Variants in CEP15 observed in about 807,000 individuals in gnomAD.
CEP15 encodes centrosomal protein 15.
chr3:62,321,791 G>A, the CEP15 span: 2 of 602,418 alleles, frequency 3.3e-6, no homozygotes, highest in Non-Finnish European at 5.6e-6. The surrounding 1 kb of genome is among the most constrained non-coding windows in gnomAD (Gnocchi z 4.1). Flanking sequence ...TGTCTTATTA[G>A]TCGACATAGT....
chr3:62,322,003 C>T, the CEP15 span: 7 of 1,610,694 alleles, frequency 4.3e-6, no homozygotes, highest in South Asian at 5.5e-5. This position sits in a 1 kb window ranked among gnomAD's most constrained non-coding sequence, Gnocchi z 5.5. Flanking sequence ...AAAGGCATCT[C>T]AACTCCAAAC....
chr3:62,331,013 T>C, the CEP15 span, among the ~76,000 whole-genome samples: 1 of 152,144 alleles, frequency 6.6e-6, no homozygotes, highest in Non-Finnish European at 1.5e-5. Flanking sequence ...GCTAAATTAA[T>C]GCACTGAGCA....
At chr3:62,320,424 A>G in the CEP15 span, 1 of 1,489,192 alleles carries the variant, frequency 6.7e-7, no homozygotes, top group Non-Finnish European at 9.3e-7. Context: ...GACATGTGGT[A>G]GAAGTAACTT....
At chr3:62,326,156 GA>G in the CEP15 span, among the ~76,000 whole-genome samples, 4 of 152,234 alleles carry the variant, frequency 2.6e-5, no homozygotes, top group Admixed American at 6.5e-5. Flanking sequence ...TCCTTCCACT[GA>G]AGAATGCCCT....
At chr3:62,322,137 AACTTATTGGTTC>A in the CEP15 span, 1 of 1,399,892 alleles carries the variant, frequency 7.1e-7, no homozygotes, top group Non-Finnish European at 9.8e-7. This position sits in a 1 kb window ranked among gnomAD's most constrained non-coding sequence, Gnocchi z 5.5. Context: ...TGATTTATAT[AACTTATTGGTTC>A]TCAGTAATAA....
At chr3:62,327,764 C>T in the CEP15 span, among the ~76,000 whole-genome samples, 1 of 152,286 alleles carries the variant, frequency 6.6e-6, no homozygotes, top group East Asian at 1.9e-4. Flanking sequence ...GACTGGTGAA[C>T]ACTTTCTCTA....
At chr3:62,325,793 G>A in the CEP15 span, among the ~76,000 whole-genome samples, 3 of 152,106 alleles carry the variant, frequency 2.0e-5, no homozygotes, top group Non-Finnish European at 4.4e-5. Flanking sequence ...CAGCACTTTG[G>A]GAGGCCAAGG....
At chr3:62,329,942 G>T in the CEP15 span, among the ~76,000 whole-genome samples, 1 of 152,096 alleles carries the variant, frequency 6.6e-6, no homozygotes, top group Non-Finnish European at 1.5e-5. Flanking sequence ...AATGTTATTA[G>T]GCTTCTGTAT....
the CEP15 span, among the ~76,000 whole-genome samples, chr3:62,326,952 T>C: frequency 2.0e-4 from 31 of 152,364 alleles, no homozygotes; most frequent in East Asian, 5.8e-3. Context: ...TCCTCAAGTA[T>C]TCAGTCAGAG....
At chr3:62,325,244 A>G in the CEP15 span, among the ~76,000 whole-genome samples, 1 of 152,240 alleles carries the variant, frequency 6.6e-6, no homozygotes, top group Non-Finnish European at 1.5e-5. Flanking sequence ...GCTGTTACAC[A>G]TACCCTCTGA....
the CEP15 span, chr3:62,320,658 G>A: frequency 3.3e-6 from 2 of 610,728 alleles, no homozygotes; most frequent in Middle Eastern, 3.2e-4. Flanking sequence ...AGGTTTTAGT[G>A]TTAGGGAATT....
the CEP15 span, among the ~76,000 whole-genome samples, chr3:62,323,276 C>T: frequency 6.6e-6 from 1 of 152,130 alleles, no homozygotes; most frequent in Admixed American, 6.5e-5. Flanking sequence ...GGAATGGAGT[C>T]AGGACTACAG....
At chr3:62,326,022 CAA>C in the CEP15 span, among the ~76,000 whole-genome samples, 160 of 106,688 alleles carry the variant, frequency 1.5e-3, no homozygotes, top group African/African-American at 2.9e-3. Context: ...GACTTCGTCT[CAA>C]AAAAAAAAAA....
the CEP15 span, chr3:62,321,900 A>C: frequency 6.6e-7 from 1 of 1,516,422 alleles, no homozygotes; most frequent in African/African-American, 1.4e-5. The surrounding 1 kb of genome is among the most constrained non-coding windows in gnomAD (Gnocchi z 4.1). Flanking sequence ...TTACTTTTTT[A>C]ACTCTATATA....
the CEP15 span, among the ~76,000 whole-genome samples, chr3:62,324,765 C>T: frequency 2.0e-5 from 3 of 152,090 alleles, no homozygotes; most frequent in Non-Finnish European, 4.4e-5. Flanking sequence ...AAAATGGTTC[C>T]AATAAAACTT....
the CEP15 span, among the ~76,000 whole-genome samples, chr3:62,327,823 G>T: frequency 6.6e-6 from 1 of 152,100 alleles, no homozygotes; most frequent in Admixed American, 6.5e-5. Flanking sequence ...TAATGGTGAC[G>T]AATGAGGTGG....
At chr3:62,323,597 G>A in the CEP15 span, among the ~76,000 whole-genome samples, 1 of 152,148 alleles carries the variant, frequency 6.6e-6, no homozygotes, top group Admixed American at 6.5e-5. Flanking sequence ...AAATAAATGA[G>A]TGGGTATTTA....
At chr3:62,326,022 C>CAA in the CEP15 span, among the ~76,000 whole-genome samples, 8 of 106,734 alleles carry the variant, frequency 7.5e-5, no homozygotes, top group African/African-American at 1.4e-4. Flanking sequence ...GACTTCGTCT[C>CAA]AAAAAAAAAA....
chr3:62,320,650 GT>G, the CEP15 span: 1 of 632,590 alleles, frequency 1.6e-6, no homozygotes, highest in Non-Finnish European at 2.7e-6. Flanking sequence ...CACTTAAGAG[GT>G]TTTAGTGTTA....
Sources: allele counts gnomAD v4.1 joint callset (sites outside exome capture counted in the v4.1 genomes callset), GRCh38; gene constraint gnomAD v4.1.1; non-coding constraint Gnocchi (gnomAD v3.1); transcripts MANE v1.5; gene names NCBI Gene and HGNC (gene_info 2026-07-23, HGNC 2026-07-21).